Variants in PCSK5 observed in about 807,000 individuals in gnomAD.
The protein encoded by PCSK5 is proprotein convertase subtilisin/kexin type 5.
Under a neutral mutation model 233.2 loss-of-function variants are expected in PCSK5, and 129 were observed. The observed-to-expected ratio is 0.55, with a 90% CI of 0.48 to 0.64. PCSK5 has a LOEUF of 0.64. Ranked by LOEUF, PCSK5 falls within the 30% of genes least tolerant of loss-of-function variation. PCSK5 has a pLI of 0.00. For missense variants in PCSK5, 2,076 were observed against 2,430.1 expected (o/e 0.85, Z 3.06); for synonymous variants, 825 against 879.2 (o/e 0.94, Z 1.09).
intron 24 of PCSK5, among the ~76,000 whole-genome samples, chr9:76,271,760 T>C (rs1827520375): frequency 6.6e-6 from 1 of 152,182 alleles, no homozygotes. Flanking sequence ...AATCAAGGAA[T>C]TGGCAAGGTT....
intron 9 of PCSK5, among the ~76,000 whole-genome samples, chr9:76,131,007 A>G (rs960135778): frequency 1.3e-5 from 2 of 152,136 alleles, no homozygotes; most frequent in South Asian, 4.1e-4. Flanking sequence ...TTCAGAGGCC[A>G]CTGGAGTGTG....
intron 14 of PCSK5, among the ~76,000 whole-genome samples, chr9:76,177,950 ATT>A (rs34069752): frequency 0.014 from 2,057 of 149,728 alleles, 46 homozygotes; most frequent in African/African-American, 0.047. Context: ...AATGTTTGGG[ATT>A]TTTTTTTTTT....
At chr9:75,942,169 C>T (rs1352430503) in intron 2 of PCSK5, among the ~76,000 whole-genome samples, 2 of 152,176 alleles carry the variant, frequency 1.3e-5, no homozygotes, top group Non-Finnish European at 2.9e-5. Flanking sequence ...CCAACTGAGG[C>T]CGGCTGTCCT....
chr9:76,202,034 T>TTGTATGA (rs1824934077), intron 20 of PCSK5, among the ~76,000 whole-genome samples: 2 of 152,196 alleles, frequency 1.3e-5, no homozygotes, highest in Non-Finnish European at 2.9e-5. Flanking sequence ...GGTTGCAATA[T>TTGTATGA]AATAAAAGCT....
chr9:75,932,321 C>T (rs531040095), intron 1 of PCSK5, 58 bp from the exon 2 acceptor site: 39 of 1,019,278 alleles, frequency 3.8e-5, no homozygotes, highest in Admixed American at 1.7e-4. Context: ...AAACAGAAGA[C>T]GGTTTTCACA....
chr9:76,255,059 G>C (rs1377529796), intron 24 of PCSK5, among the ~76,000 whole-genome samples: 1 of 150,636 alleles, frequency 6.6e-6, no homozygotes, highest in Admixed American at 6.6e-5. Context: ...GACTGAGGTG[G>C]GTGGATCACT....
intron 3 of PCSK5, among the ~76,000 whole-genome samples, chr9:76,001,670 A>G (rs536936090): frequency 2.7e-4 from 41 of 152,234 alleles, no homozygotes; most frequent in African/African-American, 9.4e-4. Context: ...CATTAACTCT[A>G]CTAGGTCTTG....
chr9:75,902,120 G>T (rs1490840421), intron 1 of PCSK5, among the ~76,000 whole-genome samples: 1 of 149,148 alleles, frequency 6.7e-6, no homozygotes, highest in Non-Finnish European at 1.5e-5. Context: ...GGAGGCTGAG[G>T]CAGGAGAATC....
At chr9:76,289,514 A>G (rs1373067273) in intron 24 of PCSK5, among the ~76,000 whole-genome samples, 1 of 62,496 alleles carries the variant, frequency 1.6e-5, no homozygotes, top group Non-Finnish European at 3.2e-5. Flanking sequence ...CACACACGCA[A>G]CATACACACA....
chr9:76,152,092 T>C (rs1277263176), intron 10 of PCSK5, among the ~76,000 whole-genome samples: 2 of 152,194 alleles, frequency 1.3e-5, no homozygotes, highest in Non-Finnish European at 2.9e-5. Context: ...CAAATAGAAA[T>C]GTAGGTGCAG....
intron 20 of PCSK5, among the ~76,000 whole-genome samples, chr9:76,207,700 G>C: frequency 6.6e-6 from 1 of 152,236 alleles, no homozygotes. Flanking sequence ...ATGCTCTACC[G>C]AATGGGTTGT....
chr9:76,348,188 C>G (rs1293120058), intron 35 of PCSK5, among the ~76,000 whole-genome samples: 2 of 152,114 alleles, frequency 1.3e-5, no homozygotes, highest in East Asian at 3.9e-4. Context: ...ACAGGTGGAT[C>G]ACTTGAGGTT....
At chr9:76,325,141 GAA>G (rs1181846937) in intron 32 of PCSK5, among the ~76,000 whole-genome samples, 6 of 152,262 alleles carry the variant, frequency 3.9e-5, no homozygotes, top group Non-Finnish European at 7.4e-5. Context: ...TCCGCATGCA[GAA>G]GAGGCGGGTG....
At chr9:76,270,839 G>A (rs1407245645) in intron 24 of PCSK5, among the ~76,000 whole-genome samples, 2 of 152,136 alleles carry the variant, frequency 1.3e-5, no homozygotes, top group East Asian at 3.8e-4. Context: ...GTAATTCACA[G>A]GGGAGTAGGG....
chr9:75,918,429 G>A (rs536915296), intron 1 of PCSK5, among the ~76,000 whole-genome samples: 2 of 152,330 alleles, frequency 1.3e-5, no homozygotes, highest in South Asian at 4.1e-4. Flanking sequence ...TGCCAATGCT[G>A]CTGGTCCAGT....
chr9:76,164,398 C>T (rs780263387), intron 12 of PCSK5, among the ~76,000 whole-genome samples: 4 of 152,144 alleles, frequency 2.6e-5, no homozygotes, highest in Non-Finnish European at 4.4e-5. Flanking sequence ...ATAGTATATA[C>T]CTCACAGGGT....
intron 14 of PCSK5, among the ~76,000 whole-genome samples, chr9:76,179,360 A>T: frequency 6.6e-6 from 1 of 152,168 alleles, no homozygotes; most frequent in Non-Finnish European, 1.5e-5. Context: ...AGACCAGGCC[A>T]TGACTAGAAT....
chr9:76,264,134 A>G (rs1827264609), intron 24 of PCSK5, among the ~76,000 whole-genome samples: 1 of 152,234 alleles, frequency 6.6e-6, no homozygotes, highest in African/African-American at 2.4e-5. Flanking sequence ...AACAGATTAG[A>G]GAATCCAGAA....
intron 33 of PCSK5, among the ~76,000 whole-genome samples, chr9:76,329,614 C>G (rs775576568): frequency 2.4e-4 from 36 of 152,156 alleles, no homozygotes; most frequent in Non-Finnish European, 4.6e-4. Context: ...GTGGGCAGAT[C>G]ATGAGGTCAG....
Sources: allele counts gnomAD v4.1 joint callset (sites outside exome capture counted in the v4.1 genomes callset), GRCh38; gene constraint gnomAD v4.1.1; transcripts MANE v1.5; gene names NCBI Gene and HGNC (gene_info 2026-07-23, HGNC 2026-07-21).